VWCE: variants seen among roughly 807,000 people sequenced by gnomAD.
VWCE encodes von Willebrand factor C and EGF domains.
A neutral mutation model predicts 102.9 loss-of-function variants in VWCE; 68 were observed. The observed-to-expected ratio is 0.66, with a 90% CI of 0.54 to 0.81. The LOEUF is 0.81. Among genes scored for constraint, VWCE ranks in the 30% least tolerant of loss-of-function variants. The pLI is 0.00. For missense variants in VWCE, 1,137 were observed against 1,263.6 expected (o/e 0.90, Z 1.52); for synonymous variants, 497 against 515.4 (o/e 0.96, Z 0.48).
chr11:61,259,612 A>T (rs554565333), intron 19 of VWCE, among the ~76,000 whole-genome samples: 81 of 152,314 alleles, frequency 5.3e-4, no homozygotes, highest in Non-Finnish European at 8.7e-4. Context: ...GGGTGCACGG[A>T]GAGTCTCAGC....
In VWCE at chr11:61,258,891, C is replaced by A. The variant is rs752013989; in HGVS notation, c.2652G>T (p.Val884=). Residue 884 remains valine (V), a synonymous_variant, in exon 20 of 20, where the codon GTG becomes GTT. Transcript: ENST00000335613. Reference sequence around the variant, plus strand: ...TGCCAGGCAGAGGAGGCCACCTGGACACTATCTGGGCCCCAGAGGCTGAGA... The same window carrying A: ...TGCCAGGCAGAGGAGGCCACCTGGAAACTATCTGGGCCCCAGAGGCTGAGA... ...RSFSASGAQI[V]SRWPPLPGTL... The A allele has an allele frequency of 2.0e-6, 3 of 1,523,340 alleles. No individual in the cohort carries two copies. The Admixed American group carries it at 6.7e-5, about 34-fold the overall frequency. 94.4% of individuals were successfully genotyped at this position (1,523,340 alleles called of 1,614,324 possible). A position where few individuals can be genotyped will look rare whatever the true frequency, so the allele number is the denominator to read the frequency against.
chr11:61,276,754 C>T (rs1854931238), intron 10 of VWCE, 74 bp from the exon 11 acceptor site: 4 of 1,242,962 alleles, frequency 3.2e-6, no homozygotes, highest in Non-Finnish European at 3.2e-6. Context: ...CACAGCAGGC[C>T]CTTCGAACAG....
At chr11:61,284,569 G>A (rs745551129) in intron 5 of VWCE, among the ~76,000 whole-genome samples, 7 of 152,130 alleles carry the variant, frequency 4.6e-5, no homozygotes, top group Non-Finnish European at 8.8e-5. Flanking sequence ...AGATATGCAG[G>A]TAAGATAAGT....
chr11:61,267,048 A>C (rs1030328675), intron 16 of VWCE, among the ~76,000 whole-genome samples: 2 of 152,218 alleles, frequency 1.3e-5, no homozygotes, highest in African/African-American at 4.8e-5. Context: ...ACCTGAGGTC[A>C]GGAGTTCAGG....
chr11:61,291,634 A>G, intron 1 of VWCE, 58 bp from the exon 2 acceptor site: 3 of 1,336,938 alleles, frequency 2.2e-6, no homozygotes, highest in Non-Finnish European at 2.9e-6. Context: ...ATTGGTCAAC[A>G]GGAAAGTCTC....
intron 5 of VWCE, among the ~76,000 whole-genome samples, chr11:61,284,829 C>T (rs1029297107): frequency 7.2e-5 from 11 of 151,906 alleles, no homozygotes; most frequent in Admixed American, 2.0e-4. Context: ...ACACCTGTAA[C>T]CCTAGCTACT....
intron 15 of VWCE, among the ~76,000 whole-genome samples, chr11:61,267,929 C>T (rs770933821): frequency 8.5e-5 from 13 of 152,096 alleles, no homozygotes; most frequent in African/African-American, 1.7e-4. Context: ...CCACCAACCC[C>T]GCCTGTCCAG....
intron 19 of VWCE, 72 bp from the exon 20 acceptor site, chr11:61,259,384 A>G (rs910447197): frequency 6.7e-7 from 1 of 1,503,516 alleles, no homozygotes; most frequent in Non-Finnish European, 8.8e-7. Flanking sequence ...GGGACAAGGT[A>G]TACCAGGGAC....
At chr11:61,269,771 C>G (rs1854620169) in intron 14 of VWCE, among the ~76,000 whole-genome samples, 1 of 151,830 alleles carries the variant, frequency 6.6e-6, no homozygotes, top group Non-Finnish European at 1.5e-5. Context: ...GAAAAAAACA[C>G]AAAAACAATC....
chr11:61,268,792 C>T, intron 15 of VWCE, 130 bp downstream of exon 15: 1 of 869,726 alleles, frequency 1.1e-6, no homozygotes, highest in East Asian at 2.6e-5. Flanking sequence ...ACCTCAGTTT[C>T]CTTATCTGTG....
chr11:61,263,247 C>T (rs1854409676), intron 19 of VWCE, among the ~76,000 whole-genome samples: 1 of 148,876 alleles, frequency 6.7e-6, no homozygotes. Flanking sequence ...GCAAAGGTTG[C>T]AGTGAGCTGA....
At position 61,276,577 on chromosome 11, in the gene VWCE, C is replaced by A; in HGVS notation, c.1495+16G>T. 6.6e-7 allele frequency: 1 copy of A among 1,519,946 alleles called. No homozygotes were observed. Among genetic ancestry groups the A allele is most frequent in the South Asian group, 1.3e-5 (1 of 76,174 alleles). The allele number at this position is 1,519,946 out of a possible 1,614,324, so 94.2% of individuals were successfully genotyped here. ...AAAAAAAAAAAAAAGCAAAATGCTCCAAGAGTGTCACTTACCTGGAACACA... is the reference window on the plus strand; with the variant it reads ...AAAAAAAAAAAAAAGCAAAATGCTCAAAGAGTGTCACTTACCTGGAACACA... On this transcript the variant is annotated intron_variant, in intron 11 of 19. Coordinates refer to ENST00000335613, the MANE Select transcript of VWCE (RefSeq NM_152718.2).
intron 19 of VWCE, among the ~76,000 whole-genome samples, chr11:61,263,469 G>A (rs1046368774): frequency 2.0e-5 from 3 of 152,148 alleles, no homozygotes; most frequent in Non-Finnish European, 2.9e-5. Flanking sequence ...GAATAGAATC[G>A]TGGTTACGAA....
At position 61,258,538 on chromosome 11, in the gene VWCE, T is replaced by C. The variant is rs1854250764; in HGVS notation, c.*137A>G. 1.2e-6 allele frequency: 1 copy of C among 844,450 alleles called. No individual in the cohort carries two copies. Among genetic ancestry groups the C allele is most frequent in the African/African-American group, 1.8e-5 (1 of 56,824 alleles). 52.3% of individuals were successfully genotyped at this position (844,450 alleles called of 1,614,324 possible). A position where few individuals can be genotyped will look rare whatever the true frequency, so the allele number is the denominator to read the frequency against. On this transcript the variant is annotated 3_prime_UTR_variant, in exon 20 of 20. Coordinates refer to ENST00000335613, the MANE Select transcript of VWCE (RefSeq NM_152718.2). ...ACAAGGTTACATCCAGCCTTGGGGGTCTTCCATCCTCACCAGGGCCCCTGC... is the reference window on the plus strand; with the variant it reads ...ACAAGGTTACATCCAGCCTTGGGGGCCTTCCATCCTCACCAGGGCCCCTGC...
chr11:61,273,383 G>A, intron 12 of VWCE, 67 bp from the exon 13 acceptor site: 1 of 1,449,628 alleles, frequency 6.9e-7, no homozygotes, highest in Non-Finnish European at 9.3e-7. Flanking sequence ...GAGAGCTAGA[G>A]GAGGCCGCAG....
At position 61,267,499 on chromosome 11, in the gene VWCE, G is replaced by T; in HGVS notation, c.1928C>A (p.Pro643Gln). 1 of 1,614,132 alleles carries T rather than the reference G, an allele frequency of 6.2e-7. No individual in the cohort carries two copies. Among genetic ancestry groups the T allele is most frequent in the Non-Finnish European group, 8.5e-7 (1 of 1,180,016 alleles). Reference protein sequence around the residue: ...GRIFYNNETFPSVLDPCLSCI... With the variant: ...GRIFYNNETFQSVLDPCLSCI... ...GCTCAGACATGGGTCCAGCACAGAC[G>T]GGAAGGTCTCGTTGTTATAGAAGAT... is the stretch of plus-strand genomic sequence containing the variant. Residue 643 changes from proline to glutamine, a missense_variant, in exon 16 of 20, where the codon CCG becomes CAG. Coordinates refer to ENST00000335613, the MANE Select transcript of VWCE (RefSeq NM_152718.2).
At chr11:61,291,079 G>A (rs1425681677) in intron 3 of VWCE, 152 bp from the exon 4 acceptor site, 1 of 1,340,324 alleles carries the variant, frequency 7.5e-7, no homozygotes, top group Non-Finnish European at 1.0e-6. Context: ...CCAGCTGTGT[G>A]ACCCCGGGCA....
chr11:61,288,369 A>G (rs760547873), intron 4 of VWCE, among the ~76,000 whole-genome samples: 14 of 151,968 alleles, frequency 9.2e-5, no homozygotes, highest in Non-Finnish European at 2.1e-4. Context: ...AGTCTACTCA[A>G]TCTGCACTCA....
At position 61,294,873 on chromosome 11, in the gene VWCE, C is replaced by G. The variant is rs1855624575; in HGVS notation, c.110+55G>C. On this transcript the variant is annotated intron_variant, in intron 1 of 19. Transcript: ENST00000335613. This position sits in a 1 kb window ranked among gnomAD's most constrained non-coding sequence, Gnocchi z 6.3. ...AGCGCCCCTCCGCGCCTCTCGACTG[C>G]ACGCCGGTAGCGCTCTCCCGGGCGG... The G allele has an allele frequency of 8.0e-7, 1 of 1,244,490 alleles. No individual in the cohort carries two copies. Among genetic ancestry groups the G allele is most frequent in the African/African-American group, 1.6e-5 (1 of 64,026 alleles). The allele number at this position is 1,244,490 out of a possible 1,614,324, so 77.1% of individuals were successfully genotyped here. A position where few individuals can be genotyped will look rare whatever the true frequency, so the allele number is the denominator to read the frequency against.
Sources: gnomAD v4.1 joint callset for allele counts (sites outside exome capture counted in the v4.1 genomes callset) on GRCh38, gnomAD v4.1.1 for gene constraint, Gnocchi (gnomAD v3.1) non-coding constraint, MANE v1.5 for transcripts, NCBI Gene and HGNC (gene_info 2026-07-23, HGNC 2026-07-21) for gene names.